The following PLCB1 variants were observed in gnomAD, a reference collection of about 807,000 sequenced individuals.
The protein encoded by PLCB1 is phospholipase C beta 1.
PLCB1 carries 46 observed loss-of-function variants against 161.8 expected under a neutral mutation model. The observed-to-expected ratio is 0.28, with a 90% confidence interval of 0.22 to 0.36. The LOEUF (loss-of-function observed/expected upper bound fraction) is 0.36, where lower values mean the gene tolerates loss of function less well. PLCB1 is among the 10% of genes least tolerant of loss of function. The pLI, the probability that PLCB1 is intolerant of heterozygous loss-of-function variation, is 1.00. For synonymous variants in PLCB1, 517 were observed against 503.7 expected (o/e 1.03, Z -0.35); for missense variants, 1,016 against 1,472.5 (o/e 0.69, Z 5.07).
At chr20:8,499,350 T>A (rs2122805920) in intron 3 of PLCB1, among the ~76,000 whole-genome samples, 1 of 152,352 alleles carries the variant, frequency 6.6e-6, no homozygotes, top group East Asian at 1.9e-4. Context: ...TCACCTGACG[T>A]GTTGAACATC....
chr20:8,188,068 C>A (rs115013544), intron 2 of PLCB1, among the ~76,000 whole-genome samples: 2 of 152,042 alleles, frequency 1.3e-5, no homozygotes, highest in African/African-American at 4.8e-5. Context: ...ATAAGCTTCA[C>A]GTCAAGCTTT....
At chr20:8,740,948 A>G (rs1337018519) in intron 22 of PLCB1, among the ~76,000 whole-genome samples, 1 of 152,238 alleles carries the variant, frequency 6.6e-6, no homozygotes, top group East Asian at 1.9e-4. Context: ...GCTGGCAGCC[A>G]TAACTCATTC....
Position 8,748,068 on chromosome 20 carries a change from A to G in PLCB1, c.2523+6495A>G, listed in dbSNP as rs551266821. ...TTTAAATAAAATTCTTCCTCCTTCA[A>G]ATCTTCCTCCTCAAATAATAAATTT... On this transcript the variant is annotated intron_variant, in intron 23 of 31. Coordinates refer to ENST00000338037, the MANE Select transcript of PLCB1 (RefSeq NM_015192.4). 4.6e-5 allele frequency among the ~76,000 whole-genome samples: 7 copies of G among 152,328 alleles called. No individual in the cohort carries two copies. The South Asian group carries it at 1.4e-3, about 32-fold the overall frequency.
At chr20:8,681,652 T>C (rs545746883) in intron 9 of PLCB1, among the ~76,000 whole-genome samples, 2 of 152,334 alleles carry the variant, frequency 1.3e-5, no homozygotes, top group South Asian at 4.1e-4. Flanking sequence ...ATCCAGCAGT[T>C]ACATTACTTT....
chr20:8,567,226 G>A (rs890532729), intron 3 of PLCB1, among the ~76,000 whole-genome samples: 3 of 152,114 alleles, frequency 2.0e-5, no homozygotes, highest in Non-Finnish European at 2.9e-5. Context: ...TGAGCTCCAG[G>A]GACGATGGGC....
chr20:8,860,706 A>G (rs771726686), intron 31 of PLCB1, among the ~76,000 whole-genome samples: 1 of 152,214 alleles, frequency 6.6e-6, no homozygotes, highest in Non-Finnish European at 1.5e-5. Flanking sequence ...CCTCTTTGAG[A>G]AATTAGTATA....
Position 8,523,328 on chromosome 20 carries a change from A to T in PLCB1, c.247-104966A>T, listed in dbSNP as rs545127625. ...GATTTAGTGAGGATTCAAAAGAAAG[A>T]TTAGCAAGTCTTTGGAGCAAAAATT... On this transcript the variant is annotated intron_variant, in intron 3 of 31. Coordinates refer to ENST00000338037, the MANE Select transcript of PLCB1 (RefSeq NM_015192.4). Among the ~76,000 whole-genome samples, 28 of 151,122 alleles carry T rather than the reference A, an allele frequency of 1.9e-4. 1 individual carries two copies. In the East Asian group the frequency reaches 2.5e-3, roughly 14 times the overall value.
intron 7 of PLCB1, chr20:8,651,696 A>C (rs917085086): frequency 1.2e-5 from 6 of 497,476 alleles, no homozygotes; most frequent in African/African-American, 5.7e-5. Flanking sequence ...TTCTGGGGAA[A>C]CTAGCCAATA....
At chr20:8,733,506 C>A in intron 19 of PLCB1, 114 bp downstream of exon 19, 3 of 919,898 alleles carry the variant, frequency 3.3e-6, no homozygotes, top group Non-Finnish European at 5.0e-6. Flanking sequence ...ATTCTACTTT[C>A]TTCCTACATT....
chr20:8,330,072 T>G (rs916934839), intron 2 of PLCB1, among the ~76,000 whole-genome samples: 3 of 152,144 alleles, frequency 2.0e-5, no homozygotes, highest in Admixed American at 6.6e-5. Flanking sequence ...AAGATCAAGA[T>G]TCCATCCCCC....
intron 3 of PLCB1, among the ~76,000 whole-genome samples, chr20:8,609,243 T>A (rs1259603367): frequency 6.6e-6 from 1 of 152,204 alleles, no homozygotes; most frequent in Non-Finnish European, 1.5e-5. Flanking sequence ...AAGCTGCAAT[T>A]ACTTTTACAT....
Position 8,470,723 on chromosome 20 carries a change from C to T in PLCB1, c.246+99273C>T, listed in dbSNP as rs151088384. ...CTTTAGTTTTTTAGAAATGGGGTCTCGCCATATTGCCCAGACTGGTCATTC... is the reference window on the plus strand; with the variant it reads ...CTTTAGTTTTTTAGAAATGGGGTCTTGCCATATTGCCCAGACTGGTCATTC... On this transcript the variant is annotated intron_variant, in intron 3 of 31. Transcript: ENST00000338037. 6.7e-3 allele frequency among the ~76,000 whole-genome samples: 1,021 copies of T among 152,156 alleles called. 12 individuals carry two copies. The highest frequency in any genetic ancestry group is 0.024 in the African/African-American group (977 of 41,532).
intron 14 of PLCB1, among the ~76,000 whole-genome samples, chr20:8,720,521 C>T (rs974212137): frequency 5.3e-5 from 8 of 152,230 alleles, no homozygotes; most frequent in African/African-American, 1.7e-4. Flanking sequence ...AGCTAGTTTA[C>T]TTATCATGGC....
chr20:8,689,247 C>T (rs908278525), intron 10 of PLCB1, among the ~76,000 whole-genome samples: 5 of 152,096 alleles, frequency 3.3e-5, no homozygotes, highest in South Asian at 2.1e-4. Context: ...TTTCTAGAGG[C>T]GTCCTTAGGA....
chr20:8,515,448 G>T (rs529294702), intron 3 of PLCB1, among the ~76,000 whole-genome samples: 4 of 152,250 alleles, frequency 2.6e-5, no homozygotes, highest in South Asian at 2.1e-4. Context: ...TGCTGTGAGC[G>T]TGTGTTAGTG....
rs368084665 is a variant in PLCB1 at position 8,575,583 on chromosome 20, G to A, written c.247-52711G>A. 5.9e-5 allele frequency among the ~76,000 whole-genome samples: 9 copies of A among 152,140 alleles called. No homozygotes were observed. The East Asian group carries it at 7.7e-4, about 13-fold the overall frequency. On this transcript the variant is annotated intron_variant, in intron 3 of 31. Transcript: ENST00000338037. ...ACTTTATTTAGAGATGAATTCCCCCGCTCTAGGGTTTTGGTGGACAGGTTT... is the reference window on the plus strand; with the variant it reads ...ACTTTATTTAGAGATGAATTCCCCCACTCTAGGGTTTTGGTGGACAGGTTT...
At chr20:8,240,243 G>A (rs1207129328) in intron 2 of PLCB1, among the ~76,000 whole-genome samples, 3 of 150,704 alleles carry the variant, frequency 2.0e-5, no homozygotes, top group African/African-American at 7.3e-5. Flanking sequence ...ACCGTTATCA[G>A]TTTGCTGTGA....
At chr20:8,347,824 A>G (rs1986044279) in intron 2 of PLCB1, among the ~76,000 whole-genome samples, 1 of 152,146 alleles carries the variant, frequency 6.6e-6, no homozygotes, top group South Asian at 2.1e-4. Flanking sequence ...ATAGCTCTGA[A>G]ATCTCAGGAT....
intron 3 of PLCB1, among the ~76,000 whole-genome samples, chr20:8,587,570 T>C (rs190666695): frequency 2.6e-5 from 4 of 152,308 alleles, no homozygotes; most frequent in African/African-American, 7.2e-5. Context: ...TTTGTTTTTC[T>C]TTTTCTATTT....
Sources: allele counts gnomAD v4.1 joint callset (sites outside exome capture counted in the v4.1 genomes callset), GRCh38; gene constraint gnomAD v4.1.1; transcripts MANE v1.5; gene names NCBI Gene and HGNC (gene_info 2026-07-23, HGNC 2026-07-21).